MED12L: variants seen among roughly 807,000 people sequenced by gnomAD.
MED12L encodes mediator of RNA polymerase II transcription subunit 12-like protein.
Under a neutral mutation model 281.3 loss-of-function variants are expected in MED12L, and 60 were observed. That is an observed-to-expected ratio of 0.21 (90% CI 0.17 to 0.26). The LOEUF (loss-of-function observed/expected upper bound fraction) is 0.26, where lower values mean the gene tolerates loss of function less well. MED12L is among the 10% of genes least tolerant of loss of function. MED12L has a pLI of 1.00. For synonymous variants in MED12L, 974 were observed against 987.2 expected (o/e 0.99, Z 0.25); for missense variants, 2,146 against 2,680.9 (o/e 0.80, Z 4.41).
At chr3:151,264,654 A>T (rs753931478) in intron 16 of MED12L, among the ~76,000 whole-genome samples, 9 of 152,250 alleles carry the variant, frequency 5.9e-5, no homozygotes, top group Non-Finnish European at 1.0e-4. Flanking sequence ...TGCTGGGAGC[A>T]GGAGCCTCCT....
chr3:151,207,071 G>C (rs1726479639), intron 16 of MED12L, among the ~76,000 whole-genome samples: 1 of 148,776 alleles, frequency 6.7e-6, no homozygotes, highest in African/African-American at 2.5e-5. Flanking sequence ...TTTTAAGACA[G>C]GGTCGTCTTA....
At chr3:151,159,761 C>G in intron 7 of MED12L, 71 bp from the exon 8 acceptor site, 5 of 1,391,488 alleles carry the variant, frequency 3.6e-6, no homozygotes, top group Non-Finnish European at 4.9e-6. Flanking sequence ...GAAAAAAAGT[C>G]TGTGTTAAAA....
intron 37 of MED12L, among the ~76,000 whole-genome samples, chr3:151,388,487 A>G (rs532062696): frequency 1.3e-5 from 2 of 152,272 alleles, no homozygotes; most frequent in East Asian, 1.9e-4. Flanking sequence ...GAACTATACA[A>G]TCCCATTCTC....
At chr3:151,346,449 C>T (rs1752546820) in intron 16 of MED12L, among the ~76,000 whole-genome samples, 1 of 152,162 alleles carries the variant, frequency 6.6e-6, no homozygotes, top group Admixed American at 6.6e-5. Context: ...ATTTCATCAT[C>T]ACCTCTTACT....
chr3:151,206,071 ATT>A lies in MED12L; in HGVS notation c.2250+12425_2250+12426del, dbSNP rs60866327. On this transcript the variant is annotated intron_variant, in intron 16 of 44. Coordinates refer to ENST00000687756, the MANE Select transcript of MED12L (RefSeq NM_001393769.1). The stretch of plus-strand genomic sequence containing the variant: ...CAGGGTTATGTTTTGAAAGAAAATA[ATT>A]TTTTTTTTTTTTTTTTTTTGCACAT... Among the ~76,000 whole-genome samples the A allele has an allele frequency of 5.4e-3, 669 of 124,134 alleles. 2 individuals carry two copies. Among genetic ancestry groups the A allele is most frequent in the African/African-American group, 0.017 (597 of 34,204 alleles). 81.4% of individuals were successfully genotyped at this position (124,134 alleles called of 152,430 possible). A position where few individuals can be genotyped will look rare whatever the true frequency, so the allele number is the denominator to read the frequency against.
chr3:151,174,346 AT>A (rs1045799689), intron 11 of MED12L, among the ~76,000 whole-genome samples: 1 of 152,088 alleles, frequency 6.6e-6, no homozygotes, highest in Non-Finnish European at 1.5e-5. Context: ...CAACTCCTCT[AT>A]TTTTTTCATT....
chr3:151,226,613 T>G (rs1291218238), intron 16 of MED12L, among the ~76,000 whole-genome samples: 1 of 121,244 alleles, frequency 8.2e-6, no homozygotes, highest in Non-Finnish European at 2.1e-5. Flanking sequence ...TCAGCCAGTG[T>G]TTTTTTTTCA....
intron 16 of MED12L, among the ~76,000 whole-genome samples, chr3:151,325,424 C>T (rs896981474): frequency 6.6e-6 from 1 of 151,990 alleles, no homozygotes; most frequent in Non-Finnish European, 1.5e-5. Context: ...CTATTATTTT[C>T]TTTTATTCTT....
chr3:151,348,737 A>C (rs1040679998), intron 16 of MED12L, among the ~76,000 whole-genome samples: 59 of 152,200 alleles, frequency 3.9e-4, no homozygotes, highest in Non-Finnish European at 1.5e-4. Context: ...GTCCCTGAGA[A>C]AGACAGACCG....
intron 36 of MED12L, among the ~76,000 whole-genome samples, chr3:151,386,748 G>A (rs1423085500): frequency 6.6e-6 from 1 of 152,008 alleles, no homozygotes; most frequent in East Asian, 1.9e-4. Context: ...GCTAATTTTT[G>A]TATTTTTAGT....
At position 151,216,482 on chromosome 3, in the gene MED12L, G is replaced by A. The variant is rs568888828; in HGVS notation, c.2250+22816G>A. 2.6e-5 allele frequency among the ~76,000 whole-genome samples: 4 copies of A among 152,324 alleles called. No individual in the cohort carries two copies. In the East Asian group the frequency reaches 5.8e-4, roughly 22 times the overall value. Reference sequence around the variant, plus strand: ...ATAGTACATCCATGTAAACTTGTGTGCTGCTTCCTACACAAGAATATCTTG... The same window carrying A: ...ATAGTACATCCATGTAAACTTGTGTACTGCTTCCTACACAAGAATATCTTG... On this transcript the variant is annotated intron_variant, in intron 16 of 44. Coordinates refer to ENST00000687756, the MANE Select transcript of MED12L (RefSeq NM_001393769.1).
At chr3:151,266,166 A>T (rs1045202514) in intron 16 of MED12L, among the ~76,000 whole-genome samples, 1 of 152,172 alleles carries the variant, frequency 6.6e-6, no homozygotes, top group African/African-American at 2.4e-5. Context: ...TATGCTAATG[A>T]TGCTGCTGCC....
intron 5 of MED12L, among the ~76,000 whole-genome samples, chr3:151,151,492 T>G (rs1208160789): frequency 6.6e-6 from 1 of 151,172 alleles, no homozygotes; most frequent in Non-Finnish European, 1.5e-5. Context: ...CAGTGAGATG[T>G]GCGACTCTTC....
intron 40 of MED12L, 49 bp from the exon 41 acceptor site, chr3:151,411,229 C>A (rs756985625): frequency 6.6e-7 from 1 of 1,517,686 alleles, no homozygotes; most frequent in East Asian, 2.3e-5. Context: ...GATGGGAAAG[C>A]TAGGTGATAA....
At chr3:151,177,758 G>GT (rs1275947037) in intron 11 of MED12L, among the ~76,000 whole-genome samples, 2 of 151,974 alleles carry the variant, frequency 1.3e-5, no homozygotes, top group African/African-American at 4.8e-5. Context: ...TTCCCAAAGT[G>GT]TTGGGATTAC....
At chr3:151,329,141 ATG>A (rs1214392066) in intron 16 of MED12L, 1 of 663,956 alleles carries the variant, frequency 1.5e-6, no homozygotes. Flanking sequence ...CTTTCAATAG[ATG>A]TGTTGAAAAG....
At chr3:151,102,141 G>T (rs1721465168) in intron 2 of MED12L, among the ~76,000 whole-genome samples, 1 of 152,140 alleles carries the variant, frequency 6.6e-6, no homozygotes, top group African/African-American at 2.4e-5. Flanking sequence ...TTACTTGAAG[G>T]TCTTATTATT....
At chr3:151,161,551 A>T (rs1338089324) in intron 8 of MED12L, among the ~76,000 whole-genome samples, 1 of 152,210 alleles carries the variant, frequency 6.6e-6, no homozygotes, top group South Asian at 2.1e-4. Flanking sequence ...TTGCCCAAAG[A>T]TGATGAGAAT....
intron 16 of MED12L, among the ~76,000 whole-genome samples, chr3:151,306,963 A>G (rs1215091772): frequency 6.6e-6 from 1 of 152,218 alleles, no homozygotes; most frequent in Non-Finnish European, 1.5e-5. Context: ...TGAAATTGTA[A>G]GAATTTGAGA....
Sources: allele counts gnomAD v4.1 joint callset (sites outside exome capture counted in the v4.1 genomes callset), GRCh38; gene constraint gnomAD v4.1.1; transcripts MANE v1.5; gene names NCBI Gene and HGNC (gene_info 2026-07-23, HGNC 2026-07-21).